The following FHIT variants were observed in gnomAD, a reference collection of about 807,000 sequenced individuals.
The protein encoded by FHIT is bis(5'-adenosyl)-triphosphatase.
In FHIT, 19 loss-of-function variants were observed where a neutral mutation model predicts 17.9. The observed-to-expected ratio is 1.06, with a 90% CI of 0.74 to 1.56. The LOEUF (loss-of-function observed/expected upper bound fraction) is 1.56, where lower values mean the gene tolerates loss of function less well. Ranked by LOEUF, FHIT falls within the 40% of genes most tolerant of loss-of-function variation. FHIT has a pLI of 0.00. For synonymous variants in FHIT, 81 were observed against 69.7 expected, an observed-to-expected ratio of 1.16 and a Z score of -0.81; for missense variants, 248 against 189.2, an observed-to-expected ratio of 1.31 and a Z score of -1.82.
chr3:59,990,672 G>A (rs1709186854), intron 7 of FHIT, among the ~76,000 whole-genome samples: 1 of 152,024 alleles, frequency 6.6e-6, no homozygotes, highest in African/African-American at 2.4e-5. Context: ...GCCAAAAGTA[G>A]ATAGAGCAAC....
At chr3:61,145,486 T>C (rs2037199765) in intron 2 of FHIT, among the ~76,000 whole-genome samples, 1 of 152,074 alleles carries the variant, frequency 6.6e-6, no homozygotes. Context: ...TTCAAGATTG[T>C]TTTGGCTATT....
At chr3:60,766,530 G>A (rs1575498027) in intron 4 of FHIT, among the ~76,000 whole-genome samples, 1 of 152,206 alleles carries the variant, frequency 6.6e-6, no homozygotes, top group African/African-American at 2.4e-5. Flanking sequence ...GGAAAATAGT[G>A]AAGATTGTGA....
chr3:60,529,842 A>G (rs1018762087), intron 5 of FHIT, among the ~76,000 whole-genome samples: 4 of 152,190 alleles, frequency 2.6e-5, no homozygotes, highest in African/African-American at 9.6e-5. Flanking sequence ...TCATTCTACC[A>G]TTCACTAGAA....
chr3:60,633,259 C>T (rs993700764), intron 4 of FHIT, among the ~76,000 whole-genome samples: 8 of 152,090 alleles, frequency 5.3e-5, no homozygotes, highest in African/African-American at 1.7e-4. Flanking sequence ...CCCGATTGCA[C>T]GATGAACTAG....
intron 8 of FHIT, among the ~76,000 whole-genome samples, chr3:59,851,193 T>C (rs1701917567): frequency 2.9e-5 from 1 of 34,164 alleles, no homozygotes. Flanking sequence ...ATGAAGATGG[T>C]GGTAGTAGAG....
chr3:59,866,109 A>C (rs965356234), intron 8 of FHIT, among the ~76,000 whole-genome samples: 1 of 152,170 alleles, frequency 6.6e-6, no homozygotes, highest in African/African-American at 2.4e-5. Flanking sequence ...CGATACAGAG[A>C]CCAGCAAGCA....
chr3:60,170,552 C>G (rs1372650891), intron 5 of FHIT, among the ~76,000 whole-genome samples: 1 of 152,032 alleles, frequency 6.6e-6, no homozygotes, highest in African/African-American at 2.4e-5. Context: ...GCACTTAGGA[C>G]AAGAGATGAT....
chr3:60,725,034 A>C (rs782509271), intron 4 of FHIT, among the ~76,000 whole-genome samples: 2 of 152,172 alleles, frequency 1.3e-5, no homozygotes, highest in Non-Finnish European at 2.9e-5. Context: ...CTGATGGCTA[A>C]TGATGTTGAG....
chr3:60,842,629 GTA>G (rs1254633115), intron 3 of FHIT, among the ~76,000 whole-genome samples: 2 of 85,066 alleles, frequency 2.4e-5, no homozygotes, highest in African/African-American at 9.6e-5. Context: ...ATATATGAGT[GTA>G]TATATATATA....
intron 4 of FHIT, among the ~76,000 whole-genome samples, chr3:60,597,195 C>T (rs2107706914): frequency 6.6e-6 from 1 of 152,160 alleles, no homozygotes; most frequent in East Asian, 1.9e-4. Flanking sequence ...CAAACTCACC[C>T]AACATTAACA....
chr3:60,162,461 C>T (rs886437647), intron 5 of FHIT, among the ~76,000 whole-genome samples: 5 of 152,090 alleles, frequency 3.3e-5, no homozygotes, highest in Admixed American at 1.3e-4. Context: ...CCAATGAGAT[C>T]GTGCAGTCCA....
Position 60,549,339 on chromosome 3 carries a change from A to G in FHIT, c.-17-12360T>C, listed in dbSNP as rs184741993. Among the ~76,000 whole-genome samples the G allele has an allele frequency of 3.5e-3, 531 of 152,230 alleles. 1 individual carries two copies. The highest frequency in any genetic ancestry group is 5.0e-3 in the Non-Finnish European group (343 of 68,004). ...TAATAGAAATAACAGCTAAGTACTT[A>G]CTCGGTACTTTCATCTTTCTAAGCA... On this transcript the variant is annotated intron_variant, in intron 4 of 9. Transcript: ENST00000492590.
chr3:60,084,584 G>C (rs935426087), intron 5 of FHIT, among the ~76,000 whole-genome samples: 10 of 152,078 alleles, frequency 6.6e-5, no homozygotes, highest in Admixed American at 3.9e-4. Context: ...ATATTTATTG[G>C]GTATTATATC....
At chr3:60,398,530 A>G (rs1701541510) in intron 5 of FHIT, among the ~76,000 whole-genome samples, 1 of 152,208 alleles carries the variant, frequency 6.6e-6, no homozygotes, top group African/African-American at 2.4e-5. Context: ...ACACAGGGTC[A>G]GTCACATAGG....
intron 5 of FHIT, among the ~76,000 whole-genome samples, chr3:60,299,381 G>A (rs1001862581): frequency 6.6e-6 from 1 of 151,896 alleles, no homozygotes; most frequent in Non-Finnish European, 1.5e-5. Flanking sequence ...TTTTCATTTG[G>A]GGCAATACAA....
intron 5 of FHIT, among the ~76,000 whole-genome samples, chr3:60,305,933 C>A (rs1321684981): frequency 6.6e-6 from 1 of 152,100 alleles, no homozygotes; most frequent in African/African-American, 2.4e-5. Flanking sequence ...AATGAGACTG[C>A]ATCACTTACA....
At chr3:60,997,530 T>A (rs763821667) in intron 3 of FHIT, among the ~76,000 whole-genome samples, 2 of 152,110 alleles carry the variant, frequency 1.3e-5, no homozygotes, top group Non-Finnish European at 2.9e-5. Flanking sequence ...GGTGCACTTT[T>A]CCTAGTCATC....
chr3:60,734,236 T>C (rs532828074), intron 4 of FHIT, among the ~76,000 whole-genome samples: 3 of 152,280 alleles, frequency 2.0e-5, no homozygotes, highest in Non-Finnish European at 2.9e-5. Flanking sequence ...CATTTTAACA[T>C]GGTATCCTAG....
At chr3:60,072,810 A>G (rs576335765) in intron 5 of FHIT, among the ~76,000 whole-genome samples, 63 of 152,296 alleles carry the variant, frequency 4.1e-4, no homozygotes, top group Non-Finnish European at 7.4e-4. Context: ...TCAGGATATG[A>G]TACTTTCTTA....
Sources: gnomAD v4.1 joint callset for allele counts (sites outside exome capture counted in the v4.1 genomes callset) on GRCh38, gnomAD v4.1.1 for gene constraint, MANE v1.5 for transcripts, NCBI Gene and HGNC (gene_info 2026-07-23, HGNC 2026-07-21) for gene names.